EDA: variants seen among roughly 807,000 people sequenced by gnomAD.
EDA encodes the protein ectodysplasin A.
A neutral mutation model predicts 23.6 loss-of-function variants in EDA; 2 were observed. That is an observed-to-expected ratio of 0.08 (90% CI 0.03 to 0.27). The LOEUF (loss-of-function observed/expected upper bound fraction) is 0.27, where lower values mean the gene tolerates loss of function less well. Among genes scored for constraint, EDA ranks in the 10% least tolerant of loss-of-function variants. The pLI, the probability that EDA is intolerant of heterozygous loss-of-function variation, is 1.00. For synonymous variants in EDA, 131 were observed against 132.0 expected (o/e 0.99, Z 0.05); for missense variants, 229 against 324.2 (o/e 0.71, Z 2.26).
intron 2 of EDA, 111 bp from the exon 3 acceptor site, chrX:70,023,107 A>T: frequency 2.3e-6 from 1 of 436,654 alleles, no homozygotes; most frequent in Non-Finnish European, 3.9e-6. Flanking sequence ...TGGCTGTGAG[A>T]CTCCCTCAAA....
At chrX:69,981,251 G>C (rs1432215353) in intron 2 of EDA, among the ~76,000 whole-genome samples, 3 of 111,250 alleles carry the variant, frequency 2.7e-5, no homozygotes, top group Admixed American at 9.6e-5. Flanking sequence ...TATCACTATG[G>C]TATGACTGAA....
intron 1 of EDA, among the ~76,000 whole-genome samples, chrX:69,806,290 A>G (rs924492315): frequency 1.1e-4 from 12 of 111,387 alleles, no homozygotes; most frequent in Non-Finnish European, 3.8e-5. Context: ...TTTTTTATAT[A>G]ATGGGGAAAG....
At chrX:69,870,201 G>A (rs1259728866) in intron 1 of EDA, among the ~76,000 whole-genome samples, 1 of 111,640 alleles carries the variant, frequency 9.0e-6, no homozygotes, top group Non-Finnish European at 1.9e-5. Flanking sequence ...AACATTAAAA[G>A]CAGAGTCCCT....
chrX:69,826,216 T>A lies in EDA; in HGVS notation c.397-130811T>A, dbSNP rs765483544. The stretch of plus-strand genomic sequence containing the variant: ...GAGTTCTGTAGATGTCTAATAGGTC[T>A]GCTTGTTGCAGAGCTGAGTTCAAGT... On this transcript the variant is annotated intron_variant, in intron 1 of 7. Transcript: ENST00000374552. 3.9e-4 allele frequency among the ~76,000 whole-genome samples: 44 copies of A among 111,610 alleles called. 1 individual carries two copies. The South Asian group carries it at 0.016, about 40-fold the overall frequency.
intron 1 of EDA, among the ~76,000 whole-genome samples, chrX:69,941,273 C>T (rs1412215496): frequency 9.0e-6 from 1 of 111,500 alleles, no homozygotes; most frequent in Non-Finnish European, 1.9e-5. Context: ...ACGTGAATAT[C>T]CATTAGGTCC....
At chrX:69,826,211 AG>A (rs1311740827) in intron 1 of EDA, among the ~76,000 whole-genome samples, 1 of 111,620 alleles carries the variant, frequency 9.0e-6, no homozygotes, top group Non-Finnish European at 1.9e-5. Context: ...GATGTCTAAT[AG>A]GTCTGCTTGT....
intron 2 of EDA, among the ~76,000 whole-genome samples, chrX:69,980,170 T>C (rs1444744212): frequency 9.0e-6 from 1 of 111,543 alleles, no homozygotes; most frequent in Non-Finnish European, 1.9e-5. Context: ...CATATTTGAC[T>C]CTCTGAAAAA....
intron 2 of EDA, among the ~76,000 whole-genome samples, chrX:70,006,833 A>C (rs1449072165): frequency 9.0e-6 from 1 of 111,160 alleles, no homozygotes; most frequent in Non-Finnish European, 1.9e-5. Context: ...TCTATCTAAA[A>C]ATTTATTGCC....
chrX:69,651,598 G>T (rs182974927), intron 1 of EDA, among the ~76,000 whole-genome samples: 2 of 111,261 alleles, frequency 1.8e-5, no homozygotes, highest in African/African-American at 3.3e-5. Context: ...GGAGCAAATA[G>T]TATCCATTTG....
At chrX:69,806,421 C>T (rs930784311) in intron 1 of EDA, among the ~76,000 whole-genome samples, 1 of 110,929 alleles carries the variant, frequency 9.0e-6, no homozygotes, top group South Asian at 3.8e-4. Flanking sequence ...ATATCTGAGA[C>T]TCTTTTGTAT....
chrX:69,645,622 GTA>G lies in EDA; in HGVS notation c.396+28930_396+28931del, dbSNP rs749581361. Among the ~76,000 whole-genome samples the G allele has an allele frequency of 2.3e-4, 14 of 62,208 alleles. 1 individual carries two copies. The highest frequency in any genetic ancestry group is 9.0e-4 in the South Asian group (1 of 1,109). The allele number at this position is 62,208 out of a possible 115,157, so 54.0% of individuals were successfully genotyped here. ...TGTGTGTATATATATATATGTGTGT[GTA>G]TATATATATATGTATAAAATACTTG... On this transcript the variant is annotated intron_variant, in intron 1 of 7. Coordinates refer to ENST00000374552, the MANE Select transcript of EDA (RefSeq NM_001399.5).
rs771827840 is a variant in EDA at position 69,961,344 on chromosome X, AT to A, written c.502+4217del. ...CCACAAATCCCTGTGAGAGAAAAAA[AT>A]TTTTATAAACAGTTCATTAACTCTT... On this transcript the variant is annotated intron_variant, in intron 2 of 7. Coordinates refer to ENST00000374552, the MANE Select transcript of EDA (RefSeq NM_001399.5). Among the ~76,000 whole-genome samples, 4 of 111,731 alleles carry A rather than the reference AT, an allele frequency of 3.6e-5. No homozygotes were observed. In the East Asian group the frequency reaches 8.5e-4, roughly 24 times the overall value.
intron 1 of EDA, among the ~76,000 whole-genome samples, chrX:69,787,492 G>A (rs1242568648): frequency 9.9e-6 from 1 of 101,274 alleles, no homozygotes; most frequent in Non-Finnish European, 2.1e-5. Flanking sequence ...GCCTGGTGGT[G>A]ACAAAATCTC....
intron 1 of EDA, among the ~76,000 whole-genome samples, chrX:69,800,768 T>G (rs1296843936): frequency 8.9e-6 from 1 of 111,967 alleles, no homozygotes; most frequent in Non-Finnish European, 1.9e-5. Context: ...ATAGTAAATT[T>G]TGTTTCTATA....
chrX:69,786,256 A>G (rs2015168429), intron 1 of EDA, among the ~76,000 whole-genome samples: 1 of 110,966 alleles, frequency 9.0e-6, no homozygotes, highest in Non-Finnish European at 1.9e-5. Context: ...TGGATTCATT[A>G]AGTTTTTGAA....
chrX:69,993,092 A>G lies in EDA; in HGVS notation c.503-30126A>G, dbSNP rs761792842. On this transcript the variant is annotated intron_variant, in intron 2 of 7. Coordinates refer to ENST00000374552, the MANE Select transcript of EDA (RefSeq NM_001399.5). ...TTTCCCCATTTATAATGCCACTTCA[A>G]TCATGTTTCACGTTCCCATAGAGTC... Among the ~76,000 whole-genome samples, 6 of 110,356 alleles carry G rather than the reference A, an allele frequency of 5.4e-5. 1 individual carries two copies. In the South Asian group the frequency reaches 1.9e-3, roughly 35 times the overall value.
chrX:69,907,824 A>G lies in EDA; in HGVS notation c.397-49203A>G, dbSNP rs1479568083. Among the ~76,000 whole-genome samples the G allele has an allele frequency of 2.7e-5, 3 of 111,363 alleles. No homozygotes were observed. In the East Asian group the frequency reaches 8.4e-4, roughly 31 times the overall value. On this transcript the variant is annotated intron_variant, in intron 1 of 7. Coordinates refer to ENST00000374552, the MANE Select transcript of EDA (RefSeq NM_001399.5). ...AAGCTCAAGTTAGATGAGAAATTAG[A>G]AAAGAGATATCTATTCCCTTTGAGT...
At position 69,699,380 on chromosome X, in the gene EDA, C is replaced by T. The variant is rs772315315; in HGVS notation, c.396+82676C>T. Among the ~76,000 whole-genome samples the T allele has an allele frequency of 6.3e-5, 7 of 110,858 alleles. No homozygotes were observed. The South Asian group carries it at 2.8e-3, about 44-fold the overall frequency. ...GAAGAAGGACAGGGACAGAGCATGG[C>T]CGAGTTTAGATGGGAGCTGGTTAGC... is the stretch of plus-strand genomic sequence containing the variant. On this transcript the variant is annotated intron_variant, in intron 1 of 7. Coordinates refer to ENST00000374552, the MANE Select transcript of EDA (RefSeq NM_001399.5).
At chrX:69,810,660 G>A (rs1244341944) in intron 1 of EDA, among the ~76,000 whole-genome samples, 1 of 108,280 alleles carries the variant, frequency 9.2e-6, no homozygotes, top group Non-Finnish European at 1.9e-5. Context: ...AGAAGCTGAG[G>A]CAGGAGAATC....
Sources: gnomAD v4.1 joint callset for allele counts (sites outside exome capture counted in the v4.1 genomes callset) on GRCh38, gnomAD v4.1.1 for gene constraint, MANE v1.5 for transcripts, NCBI Gene and HGNC (gene_info 2026-07-23, HGNC 2026-07-21) for gene names.